Variants in PDE1C observed in about 807,000 individuals in gnomAD.
The protein encoded by PDE1C is phosphodiesterase 1C.
A neutral mutation model predicts 93.1 loss-of-function variants in PDE1C; 62 were observed. The ratio of observed to expected loss-of-function variants is 0.67; its 90% confidence interval spans 0.54 to 0.82. PDE1C has a LOEUF of 0.82. Ranked by LOEUF, PDE1C falls within the 40% of genes least tolerant of loss-of-function variation. The pLI, the probability that PDE1C is intolerant of heterozygous loss-of-function variation, is 0.00. For synonymous variants in PDE1C, 325 were observed against 310.1 expected, an observed-to-expected ratio of 1.05 and a Z score of -0.50; for missense variants, 742 against 884.6, an observed-to-expected ratio of 0.84 and a Z score of 2.04.
intron 16 of PDE1C, among the ~76,000 whole-genome samples, chr7:31,800,205 G>T (rs1214465408): frequency 1.3e-5 from 2 of 151,338 alleles, no homozygotes; most frequent in African/African-American, 4.8e-5. Context: ...TATCCCCCCA[G>T]AATGTGAACT....
chr7:31,965,334 G>C (rs368912271), intron 2 of PDE1C, among the ~76,000 whole-genome samples: 1 of 152,180 alleles, frequency 6.6e-6, no homozygotes, highest in African/African-American at 2.4e-5. Flanking sequence ...TAGCCGATGC[G>C]ATCAACTGGA....
the PDE1C span, among the ~76,000 whole-genome samples, chr7:31,746,139 G>A: frequency 6.6e-6 from 1 of 152,110 alleles, no homozygotes; most frequent in South Asian, 2.1e-4. Flanking sequence ...CTCTGCCACT[G>A]GTCACTGGAG....
At chr7:32,200,092 T>C (rs1487220831) in intron 2 of PDE1C, among the ~76,000 whole-genome samples, 1 of 152,220 alleles carries the variant, frequency 6.6e-6, no homozygotes, top group African/African-American at 2.4e-5. Context: ...CCAAAACATT[T>C]CTGGTCCCAG....
At chr7:31,791,018 T>C (rs771043973) in intron 16 of PDE1C, among the ~76,000 whole-genome samples, 1 of 152,138 alleles carries the variant, frequency 6.6e-6, no homozygotes, top group Non-Finnish European at 1.5e-5. Context: ...TTCCCTTCTA[T>C]GCAGGGCTCC....
At chr7:31,719,884 T>C in the PDE1C span, among the ~76,000 whole-genome samples, 112 of 152,284 alleles carry the variant, frequency 7.4e-4, 4 homozygotes, top group South Asian at 0.023. Context: ...CGGGGGATTC[T>C]TTGTTCAAAG....
chr7:32,135,818 T>G (rs557510933), intron 3 of PDE1C, among the ~76,000 whole-genome samples: 1 of 152,334 alleles, frequency 6.6e-6, no homozygotes, highest in African/African-American at 2.4e-5. Context: ...TATCTATACG[T>G]TCATGTTCAT....
At chr7:31,643,557 T>C in the PDE1C span, 1 of 1,613,996 alleles carries the variant, frequency 6.2e-7, no homozygotes, top group South Asian at 1.1e-5. Context: ...TGGGGACTGG[T>C]CCCAGAGGAA....
intron 3 of PDE1C, among the ~76,000 whole-genome samples, chr7:32,126,246 T>TAGA (rs1799576909): frequency 2.0e-5 from 3 of 151,584 alleles, no homozygotes; most frequent in African/African-American, 7.3e-5. Context: ...GATAGATAGA[T>TAGA]TCATTTAAAT....
intron 2 of PDE1C, among the ~76,000 whole-genome samples, chr7:31,901,775 T>C (rs1056626754): frequency 2.0e-4 from 30 of 151,538 alleles, no homozygotes; most frequent in Non-Finnish European, 1.8e-4. Flanking sequence ...GAGAAAACAA[T>C]CTGATAGAAT....
At chr7:31,773,452 C>A (rs1053777961) in intron 17 of PDE1C, among the ~76,000 whole-genome samples, 2 of 152,020 alleles carry the variant, frequency 1.3e-5, no homozygotes. Flanking sequence ...CCTGATCTAG[C>A]AAGGCTATGA....
intron 17 of PDE1C, among the ~76,000 whole-genome samples, chr7:31,767,133 A>G (rs1795197096): frequency 6.6e-6 from 1 of 151,996 alleles, no homozygotes; most frequent in Non-Finnish European, 1.5e-5. Context: ...CTACTGTTTA[A>G]TTTTGTTTTG....
intron 3 of PDE1C, among the ~76,000 whole-genome samples, chr7:32,166,912 T>C (rs575742415): frequency 6.6e-6 from 1 of 152,320 alleles, no homozygotes; most frequent in East Asian, 1.9e-4. Flanking sequence ...AAGCTACTCC[T>C]TGCTGCTGCA....
intron 1 of PDE1C, among the ~76,000 whole-genome samples, chr7:32,418,295 C>A (rs1785317487): frequency 6.6e-6 from 1 of 152,128 alleles, no homozygotes; most frequent in African/African-American, 2.4e-5. Flanking sequence ...GGCTTAAGAC[C>A]TGGGTTCAAG....
intron 1 of PDE1C, among the ~76,000 whole-genome samples, chr7:32,355,720 GA>G (rs1784018064): frequency 6.6e-6 from 1 of 152,194 alleles, no homozygotes; most frequent in Non-Finnish European, 1.5e-5. Flanking sequence ...GCTCCCCAGG[GA>G]CAGGGACTAT....
intron 2 of PDE1C, among the ~76,000 whole-genome samples, chr7:32,043,473 G>C (rs761225906): frequency 2.0e-5 from 3 of 152,098 alleles, no homozygotes. Flanking sequence ...AATGCACTTC[G>C]GTCTTATTAG....
chr7:32,299,349 C>T, upstream of PDE1C: 1 of 985,820 alleles, frequency 1.0e-6, no homozygotes, highest in Non-Finnish European at 1.2e-6. Flanking sequence ...GCCACGCCCA[C>T]TTCCTTCTAG....
chr7:32,350,562 A>ACAGG (rs1562686444), intron 1 of PDE1C, among the ~76,000 whole-genome samples: 27 of 502 alleles, frequency 0.054, 13 homozygotes, highest in Admixed American at 0.11. Context: ...ATATATATAT[A>ACAGG]TATATATATA....
chr7:32,189,708 A>G (rs1804104643), intron 2 of PDE1C, among the ~76,000 whole-genome samples: 3 of 152,220 alleles, frequency 2.0e-5, no homozygotes, highest in Admixed American at 1.3e-4. Flanking sequence ...CAAAAATAAA[A>G]GCGTTTGAAA....
At chr7:31,656,512 C>A in the PDE1C span, 1 of 946,134 alleles carries the variant, frequency 1.1e-6, no homozygotes, top group Non-Finnish European at 1.2e-6. Flanking sequence ...TAATTACTGT[C>A]TTCCTTCTGT....
Sources: gnomAD v4.1 joint callset for allele counts (sites outside exome capture counted in the v4.1 genomes callset) on GRCh38, gnomAD v4.1.1 for gene constraint, MANE v1.5 for transcripts, NCBI Gene and HGNC (gene_info 2026-07-23, HGNC 2026-07-21) for gene names.